DAB2IP: variants seen among roughly 807,000 people sequenced by gnomAD.
DAB2IP encodes disabled homolog 2-interacting protein.
A neutral mutation model predicts 107.2 loss-of-function variants in DAB2IP; 28 were observed. The ratio of observed to expected loss-of-function variants is 0.26; its 90% CI spans 0.19 to 0.36. DAB2IP has a LOEUF of 0.36. Ranked by LOEUF, DAB2IP falls within the 10% of genes least tolerant of loss-of-function variation. DAB2IP has a pLI of 1.00. For synonymous variants in DAB2IP, 755 were observed against 706.4 expected (o/e 1.07, Z -1.09); for missense variants, 1,400 against 1,644.7 (o/e 0.85, Z 2.57).
At chr9:121,754,482 C>T (rs896984918) in intron 3 of DAB2IP, among the ~76,000 whole-genome samples, 1 of 152,160 alleles carries the variant, frequency 6.6e-6, no homozygotes, top group Non-Finnish European at 1.5e-5. Context: ...GCTTGGGCTG[C>T]AGGGATGGAT....
intron 1 of DAB2IP, among the ~76,000 whole-genome samples, chr9:121,606,900 G>A (rs556034316): frequency 3.3e-5 from 5 of 151,588 alleles, no homozygotes; most frequent in East Asian, 2.0e-4. Context: ...TCAGCCTCCC[G>A]AGTAGTTGGG....
At chr9:121,622,850 G>C (rs1831520129) in intron 1 of DAB2IP, among the ~76,000 whole-genome samples, 1 of 152,188 alleles carries the variant, frequency 6.6e-6, no homozygotes, top group African/African-American at 2.4e-5. Flanking sequence ...ACAGTGACAA[G>C]TACTGTGGGG....
chr9:121,669,718 TG>T (rs1277879534), intron 1 of DAB2IP, among the ~76,000 whole-genome samples: 1 of 152,210 alleles, frequency 6.6e-6, no homozygotes, highest in East Asian at 1.9e-4. Flanking sequence ...TGGTATTTTG[TG>T]GGTGGCACAG....
At chr9:121,620,130 G>A (rs561648754) in intron 1 of DAB2IP, among the ~76,000 whole-genome samples, 59 of 152,262 alleles carry the variant, frequency 3.9e-4, no homozygotes, top group African/African-American at 1.3e-3. Flanking sequence ...GGTCCTTCCC[G>A]GCTCTGACCC....
intron 13 of DAB2IP, among the ~76,000 whole-genome samples, chr9:121,775,462 C>G (rs1321852445): frequency 6.6e-6 from 1 of 152,224 alleles, no homozygotes; most frequent in East Asian, 1.9e-4. Context: ...GAGGACTGGC[C>G]TCACTCCAGG....
At chr9:121,755,250 G>A (rs78737808) in intron 3 of DAB2IP, among the ~76,000 whole-genome samples, 29 of 151,932 alleles carry the variant, frequency 1.9e-4, no homozygotes, top group African/African-American at 6.8e-4. Context: ...GTGGTGTGGC[G>A]GTGTGGCGTG....
chr9:121,624,986 C>T (rs1831593879), intron 1 of DAB2IP, among the ~76,000 whole-genome samples: 1 of 152,212 alleles, frequency 6.6e-6, no homozygotes, highest in Non-Finnish European at 1.5e-5. Flanking sequence ...ATCTCGGAGG[C>T]TAAGCACTCG....
intron 3 of DAB2IP, among the ~76,000 whole-genome samples, chr9:121,739,604 T>C (rs537555230): frequency 6.6e-4 from 100 of 152,154 alleles, no homozygotes; most frequent in Admixed American, 1.8e-3. Context: ...GCAGGATTTG[T>C]GTTGGATTGG....
chr9:121,627,691 C>T (rs941811589), intron 1 of DAB2IP, among the ~76,000 whole-genome samples: 1 of 152,146 alleles, frequency 6.6e-6, no homozygotes, highest in African/African-American at 2.4e-5. Flanking sequence ...AGAGTCTAGC[C>T]AATGCGTGGG....
chr9:121,774,435 C>G (rs1158489915), intron 13 of DAB2IP, 23 bp downstream of exon 13: 7 of 1,591,210 alleles, frequency 4.4e-6, no homozygotes, highest in Non-Finnish European at 6.0e-6. Context: ...CCTGGCGGCT[C>G]GGGACAGGGC....
chr9:121,747,370 CAG>C (rs1487570767), intron 3 of DAB2IP, among the ~76,000 whole-genome samples: 33 of 141,340 alleles, frequency 2.3e-4, no homozygotes, highest in Non-Finnish European at 1.9e-4. Context: ...TCCCCTGAGA[CAG>C]AGTCTCGCTC....
chr9:121,706,619 G>A (rs1830070053), intron 3 of DAB2IP, among the ~76,000 whole-genome samples: 1 of 152,160 alleles, frequency 6.6e-6, no homozygotes, highest in Non-Finnish European at 1.5e-5. Context: ...AGGAGTGATT[G>A]TACCTGCCCA....
intron 3 of DAB2IP, among the ~76,000 whole-genome samples, chr9:121,709,436 G>T (rs1193754284): frequency 1.3e-5 from 2 of 152,132 alleles, no homozygotes; most frequent in South Asian, 2.1e-4. Flanking sequence ...GTGCTTTCTC[G>T]TGCATTTGCT....
chr9:121,669,879 C>T (rs1372179859), intron 1 of DAB2IP, among the ~76,000 whole-genome samples: 1 of 152,190 alleles, frequency 6.6e-6, no homozygotes, highest in Admixed American at 6.5e-5. Context: ...CCGTGAATGC[C>T]AAGCCAGCTT....
At chr9:121,640,064 G>A (rs894320758) in intron 1 of DAB2IP, among the ~76,000 whole-genome samples, 7 of 152,156 alleles carry the variant, frequency 4.6e-5, no homozygotes, top group Non-Finnish European at 7.4e-5. Context: ...GCATGGGGTC[G>A]GCTGGCCCAA....
intron 9 of DAB2IP, among the ~76,000 whole-genome samples, 187 bp from the exon 10 acceptor site, chr9:121,768,245 G>A (rs1307090404): frequency 6.6e-6 from 1 of 152,164 alleles, no homozygotes; most frequent in Non-Finnish European, 1.5e-5. Flanking sequence ...GAAAAGGATC[G>A]CTGGACTTAC....
chr9:121,686,983 A>G (rs1196426796), intron 2 of DAB2IP, among the ~76,000 whole-genome samples: 3 of 152,140 alleles, frequency 2.0e-5, no homozygotes, highest in Admixed American at 1.3e-4. Flanking sequence ...ACCAGAGACC[A>G]AGTTCTTAGG....
intron 1 of DAB2IP, among the ~76,000 whole-genome samples, chr9:121,644,157 C>G (rs1472148652): frequency 6.9e-6 from 1 of 144,984 alleles, no homozygotes; most frequent in Non-Finnish European, 1.5e-5. Flanking sequence ...GGCAACAGAG[C>G]GAGACCTTGT....
intron 13 of DAB2IP, among the ~76,000 whole-genome samples, chr9:121,775,165 C>T (rs1835109669): frequency 6.6e-6 from 1 of 152,182 alleles, no homozygotes; most frequent in African/African-American, 2.4e-5. Context: ...GACGGAGGAA[C>T]CAGCGCAGGC....
Sources: gnomAD v4.1 joint callset for allele counts (sites outside exome capture counted in the v4.1 genomes callset) on GRCh38, gnomAD v4.1.1 for gene constraint, MANE v1.5 for transcripts, NCBI Gene and HGNC (gene_info 2026-07-23, HGNC 2026-07-21) for gene names.